METTL15: variants seen among roughly 807,000 people sequenced by gnomAD.
The protein encoded by METTL15 is methyltransferase 15, mitochondrial 12S rRNA N4-cytidine.
Under a neutral mutation model 38.3 loss-of-function variants are expected in METTL15, and 34 were observed. The ratio of observed to expected loss-of-function variants is 0.89; its 90% CI spans 0.68 to 1.18. The LOEUF (loss-of-function observed/expected upper bound fraction) is 1.18, where lower values mean the gene tolerates loss of function less well. Among genes scored for constraint, METTL15 ranks in the 50% most tolerant of loss-of-function variants. METTL15 has a pLI of 0.00. For synonymous variants in METTL15, 162 were observed against 170.9 expected, an observed-to-expected ratio of 0.95 and a Z score of 0.41; for missense variants, 438 against 498.4, an observed-to-expected ratio of 0.88 and a Z score of 1.15.
chr11:28,429,544 A>T (rs61890890), intron 6 of METTL15, among the ~76,000 whole-genome samples: 41,129 of 102,224 alleles, frequency 0.4, 9,785 homozygotes, highest in Admixed American at 0.51. Flanking sequence ...GTTTTGGTGG[A>T]GACGGGGTTT....
intron 3 of METTL15, among the ~76,000 whole-genome samples, chr11:28,131,649 G>A (rs1198047227): frequency 6.6e-6 from 1 of 151,830 alleles, no homozygotes; most frequent in Non-Finnish European, 1.5e-5. Flanking sequence ...GTTTGATTGT[G>A]AACATATCCA....
At chr11:28,501,570 T>C (rs1851582798) in intron 6 of METTL15, among the ~76,000 whole-genome samples, 1 of 152,136 alleles carries the variant, frequency 6.6e-6, no homozygotes, top group Non-Finnish European at 1.5e-5. Context: ...AATTGGCTTT[T>C]GGTGGCGCTT....
intron 6 of METTL15, among the ~76,000 whole-genome samples, chr11:28,440,009 G>A (rs921396988): frequency 2.0e-5 from 3 of 152,250 alleles, no homozygotes; most frequent in African/African-American, 7.2e-5. Context: ...GGGTAGACAT[G>A]GAGGCTTTTA....
chr11:28,194,117 G>A (rs1026998715), intron 3 of METTL15, among the ~76,000 whole-genome samples: 1 of 55,612 alleles, frequency 1.8e-5, no homozygotes, highest in South Asian at 6.4e-4. Context: ...TTGCTTTGAT[G>A]GTTGATCTTT....
At chr11:28,382,072 G>A (rs972589100) in intron 5 of METTL15, among the ~76,000 whole-genome samples, 3 of 151,972 alleles carry the variant, frequency 2.0e-5, no homozygotes, top group African/African-American at 7.3e-5. Context: ...TTGTTTATTT[G>A]GTATTTTCCC....
intron 6 of METTL15, among the ~76,000 whole-genome samples, chr11:28,501,698 A>G (rs1851583916): frequency 6.6e-6 from 1 of 152,136 alleles, no homozygotes; most frequent in African/African-American, 2.4e-5. Context: ...CAGAACTCTC[A>G]GGAGTAAGAC....
intron 6 of METTL15, among the ~76,000 whole-genome samples, chr11:28,522,803 G>A (rs1296498205): frequency 6.6e-6 from 1 of 152,132 alleles, no homozygotes; most frequent in African/African-American, 2.4e-5. Context: ...ATGAGACCGT[G>A]AGATCAGGAG....
At chr11:28,421,390 AC>A (rs1220243430) in intron 5 of METTL15, among the ~76,000 whole-genome samples, 3 of 151,974 alleles carry the variant, frequency 2.0e-5, no homozygotes, top group African/African-American at 7.2e-5. Flanking sequence ...TGCTACCAAA[AC>A]AAAAGACACA....
At chr11:28,227,208 A>C (rs1853516466) in intron 4 of METTL15, among the ~76,000 whole-genome samples, 1 of 151,856 alleles carries the variant, frequency 6.6e-6, no homozygotes, top group Non-Finnish European at 1.5e-5. Flanking sequence ...CTTTTCAGGC[A>C]ATCTACTAGT....
chr11:28,293,323 C>T (rs1856597031), intron 5 of METTL15, among the ~76,000 whole-genome samples: 1 of 152,158 alleles, frequency 6.6e-6, no homozygotes, highest in Admixed American at 6.5e-5. Context: ...ATCCTTTCCC[C>T]ATTTCTTGTT....
intron 4 of METTL15, among the ~76,000 whole-genome samples, chr11:28,356,138 C>G (rs1850088022): frequency 6.6e-6 from 1 of 152,188 alleles, no homozygotes; most frequent in African/African-American, 2.4e-5. Context: ...AGAGGTCTTC[C>G]CTGGCCTTCT....
At chr11:28,391,543 C>G (rs950292865) in intron 5 of METTL15, among the ~76,000 whole-genome samples, 2 of 152,124 alleles carry the variant, frequency 1.3e-5, no homozygotes. Flanking sequence ...CTGGAGGCAT[C>G]ACGCTACCTG....
chr11:28,183,546 G>A lies in METTL15; in HGVS notation c.271-27516G>A, dbSNP rs143798354. ...GGTTTTTGTCATTGGTTCTGTTTATGTGATGGATTATGTTTATTATTTTAC... is the reference window on the plus strand; with the variant it reads ...GGTTTTTGTCATTGGTTCTGTTTATATGATGGATTATGTTTATTATTTTAC... On this transcript the variant is annotated intron_variant, in intron 3 of 6. Coordinates refer to ENST00000407364, the MANE Select transcript of METTL15 (RefSeq NM_001113528.2). Among the ~76,000 whole-genome samples the A allele has an allele frequency of 9.2e-3, 1,392 of 152,038 alleles. 25 individuals are homozygous for A. Among genetic ancestry groups the A allele is most frequent in the African/African-American group, 0.032 (1,310 of 41,502 alleles).
chr11:28,226,070 C>T (rs181741718), intron 4 of METTL15, among the ~76,000 whole-genome samples: 36 of 151,912 alleles, frequency 2.4e-4, no homozygotes, highest in Non-Finnish European at 4.7e-4. Context: ...TGACTTTCTC[C>T]TTTCTGCCAA....
At chr11:28,417,174 A>C (rs1021858276) in intron 5 of METTL15, among the ~76,000 whole-genome samples, 7 of 152,196 alleles carry the variant, frequency 4.6e-5, no homozygotes, top group African/African-American at 1.4e-4. Flanking sequence ...GGGGTGTTGT[A>C]CATGCCATCT....
intron 6 of METTL15, among the ~76,000 whole-genome samples, chr11:28,489,734 C>T (rs1851478171): frequency 1.3e-5 from 2 of 152,024 alleles, no homozygotes; most frequent in African/African-American, 4.8e-5. Flanking sequence ...GTTATTTCAC[C>T]TCTCTAAGCC....
intron 3 of METTL15, chr11:28,122,301 C>T (rs919642096): frequency 5.5e-6 from 3 of 545,000 alleles, no homozygotes; most frequent in Non-Finnish European, 8.3e-6. Flanking sequence ...TCTTGGTTAT[C>T]TCTTCAAATC....
chr11:28,204,776 A>T (rs1590153333), intron 3 of METTL15, among the ~76,000 whole-genome samples: 1 of 152,124 alleles, frequency 6.6e-6, no homozygotes, highest in East Asian at 1.9e-4. Flanking sequence ...TAAGATAAAT[A>T]GAGGTACTTT....
downstream of METTL15, among the ~76,000 whole-genome samples, chr11:28,527,454 C>T (rs940544661): frequency 2.0e-5 from 3 of 152,260 alleles, no homozygotes; most frequent in Non-Finnish European, 4.4e-5. Context: ...AATAAATAGG[C>T]ATTGAGTACC....
Sources: allele counts gnomAD v4.1 joint callset (sites outside exome capture counted in the v4.1 genomes callset), GRCh38; gene constraint gnomAD v4.1.1; transcripts MANE v1.5; gene names NCBI Gene and HGNC (gene_info 2026-07-23, HGNC 2026-07-21).